The following LRRC53 variants were observed in gnomAD, a reference collection of about 807,000 sequenced individuals.
The protein encoded by LRRC53 is leucine-rich repeat-containing protein 53.
A neutral mutation model predicts 13.6 loss-of-function variants in LRRC53; 25 were observed. The observed-to-expected ratio is 1.83, with a 90% CI of 1.34 to 2.56. The LOEUF (loss-of-function observed/expected upper bound fraction) is 2.56, where lower values mean the gene tolerates loss of function less well. Among genes scored for constraint, LRRC53 ranks in the 30% most tolerant of loss-of-function variants. The pLI, the probability that LRRC53 is intolerant of heterozygous loss-of-function variation, is 0.00. For synonymous variants in LRRC53, 204 were observed against 109.8 expected, an observed-to-expected ratio of 1.86 and a Z score of -5.37; for missense variants, 527 against 275.8, an observed-to-expected ratio of 1.91 and a Z score of -6.45.
upstream of LRRC53, among the ~76,000 whole-genome samples, chr1:74,516,580 C>T (rs1249034187): frequency 6.6e-6 from 1 of 152,124 alleles, no homozygotes; most frequent in Non-Finnish European, 1.5e-5. Flanking sequence ...GAGAAATAGA[C>T]CCAGGCCTGC....
chr1:74,485,550 AT>A (rs1463257763), intron 1 of LRRC53, among the ~76,000 whole-genome samples: 3 of 152,178 alleles, frequency 2.0e-5, no homozygotes, highest in Non-Finnish European at 2.9e-5. Context: ...GCCATGTAGA[AT>A]ACCCTGTCCT....
chr1:74,531,511 A>C, the LRRC53 span, among the ~76,000 whole-genome samples: 1 of 152,222 alleles, frequency 6.6e-6, no homozygotes, highest in African/African-American at 2.4e-5. Context: ...TGCAAAGCAT[A>C]GAAAGGCATT....
At chr1:74,486,851 A>T (rs1668793593) in intron 1 of LRRC53, among the ~76,000 whole-genome samples, 1 of 152,152 alleles carries the variant, frequency 6.6e-6, no homozygotes. Context: ...ATTGAAAAAC[A>T]TGTTTCAGGG....
At chr1:74,532,884 C>A in the LRRC53 span, among the ~76,000 whole-genome samples, 276 of 152,238 alleles carry the variant, frequency 1.8e-3, no homozygotes, top group African/African-American at 6.3e-3. Context: ...GAAACTGGAT[C>A]CCTTCCTCAC....
rs1448181897 is a variant in LRRC53, at chr1:74,480,883, A to G, written c.174T>C (p.Asn58=). ...IESTNLSLLF[N]LALLSLSRNG... ...TTCTGCTTAGGGAGAGCAGGGCAAG[A>G]TTAAACAAGAGAGACAGGTTTGTGC... Residue 58 remains asparagine, a synonymous_variant, in exon 3 of 5, where the codon AAT becomes AAC. Coordinates refer to ENST00000294635, the MANE Select transcript of LRRC53 (RefSeq NM_001382280.1). 4 of 717,316 alleles carry G rather than the reference A, an allele frequency of 5.6e-6. No individual in the cohort carries two copies. Among genetic ancestry groups the G allele is most frequent in the Non-Finnish European group, 1.0e-5 (4 of 385,114 alleles). 44.4% of individuals were successfully genotyped at this position (717,316 alleles called of 1,614,324 possible).
In LRRC53 at chr1:74,471,718, G is replaced by A; in HGVS notation, c.1904C>T (p.Pro635Leu). 1 of 402,686 alleles carries A rather than the reference G, an allele frequency of 2.5e-6. No individual in the cohort carries two copies. The highest frequency in any genetic ancestry group is 1.2e-4 in the South Asian group (1 of 8,098). The allele number at this position is 402,686 out of a possible 1,614,324, so 24.9% of individuals were successfully genotyped here. A position where few individuals can be genotyped will look rare whatever the true frequency, so the allele number is the denominator to read the frequency against. The change falls in exon 5 of 5, where the codon CCA becomes CTA. Residue 635 changes from proline to leucine, a missense_variant. By Grantham distance (98) the Pro-to-Leu change is moderately conservative. Coordinates refer to ENST00000294635, the MANE Select transcript of LRRC53 (RefSeq NM_001382280.1). ...LSTKTKKAYS[P>L]KRVIFHDPDL... ...AGGATCATGGAAGATAACCCTCTTT[G>A]GGGAATATGCTTTCTTGGTTTTTGT...
At chr1:74,507,257 A>G (rs887732900) in intron 1 of LRRC53, among the ~76,000 whole-genome samples, 1 of 136,978 alleles carries the variant, frequency 7.3e-6, no homozygotes, top group African/African-American at 2.6e-5. Flanking sequence ...AAAAATACAT[A>G]AAGGATTCAA....
At chr1:74,497,185 T>C (rs1669371844) in intron 1 of LRRC53, among the ~76,000 whole-genome samples, 1 of 152,132 alleles carries the variant, frequency 6.6e-6, no homozygotes, top group Non-Finnish European at 1.5e-5. Flanking sequence ...TGTAAGATGA[T>C]AGCACCATGA....
chr1:74,493,625 G>T (rs187852053), intron 1 of LRRC53, among the ~76,000 whole-genome samples: 156 of 152,192 alleles, frequency 1.0e-3, no homozygotes, highest in African/African-American at 3.5e-3. Flanking sequence ...TTTATTTCTT[G>T]CTCACTTGTT....
upstream of LRRC53, among the ~76,000 whole-genome samples, chr1:74,515,933 G>A (rs535281902): frequency 6.6e-6 from 1 of 152,130 alleles, no homozygotes. Flanking sequence ...TGCCTTCAAG[G>A]TTCTGATGTC....
chr1:74,496,360 G>A (rs891519292), intron 1 of LRRC53, among the ~76,000 whole-genome samples: 3 of 151,960 alleles, frequency 2.0e-5, no homozygotes, highest in African/African-American at 7.3e-5. Flanking sequence ...TCTGATCTTT[G>A]GATTTCCTAA....
In LRRC53 at chr1:74,489,207, G is replaced by C. The variant is rs1253716559; in HGVS notation, c.-26-5832C>G. On this transcript the variant is annotated intron_variant, in intron 1 of 4. Transcript: ENST00000294635. ...TTTACAGGGAAGACCCGAATTTTCT[G>C]AAGTTGTCATGAAGTTAGAAGAGTG... 1 of 1,611,238 alleles carries C rather than the reference G, an allele frequency of 6.2e-7. No homozygotes were observed. The highest frequency in any genetic ancestry group is 1.3e-5 in the African/African-American group (1 of 74,748).
At chr1:74,520,358 A>T in the LRRC53 span, among the ~76,000 whole-genome samples, 1 of 152,128 alleles carries the variant, frequency 6.6e-6, no homozygotes, top group Non-Finnish European at 1.5e-5. Flanking sequence ...AGAATTTGAG[A>T]CTACTTCGCG....
At position 74,475,299 on chromosome 1, in the gene LRRC53, T is replaced by G. The variant is rs1668139211; in HGVS notation, c.1416A>C (p.Thr472=). The G allele has an allele frequency of 1.5e-6, 1 of 649,980 alleles. No individual in the cohort carries two copies. Among genetic ancestry groups the G allele is most frequent in the Non-Finnish European group, 2.8e-6 (1 of 354,706 alleles). The allele number at this position is 649,980 out of a possible 1,614,324, so 40.3% of individuals were successfully genotyped here. Residue 472 remains threonine, a synonymous_variant, in exon 4 of 5, where the codon ACA becomes ACC. Coordinates refer to ENST00000294635, the MANE Select transcript of LRRC53 (RefSeq NM_001382280.1). ...TCTAAAACAAGACAAACTCACCTTC[T>G]GTTCTTATTATATGGTGTTGCAGAG... is the stretch of plus-strand genomic sequence containing the variant. ...PQTLQHHIIR[T]EDISSDIFRR...
chr1:74,481,205 A>T (rs1375089335), intron 2 of LRRC53, among the ~76,000 whole-genome samples: 1 of 152,236 alleles, frequency 6.6e-6, no homozygotes, highest in Non-Finnish European at 1.5e-5. Context: ...TTTGAGAAAC[A>T]TAAACCCATC....
At chr1:74,475,954 T>C (rs1471575721) in intron 3 of LRRC53, 144 bp from the exon 4 acceptor site, 1 of 450,820 alleles carries the variant, frequency 2.2e-6, no homozygotes, top group Non-Finnish European at 3.9e-6. Flanking sequence ...TGGAAAAATA[T>C]CAGTCCAGAC....
the LRRC53 span, among the ~76,000 whole-genome samples, chr1:74,519,571 C>T: frequency 2.0e-5 from 3 of 151,998 alleles, no homozygotes; most frequent in Non-Finnish European, 4.4e-5. Flanking sequence ...TAATGATTGC[C>T]TTACTTTAAA....
intron 1 of LRRC53, chr1:74,492,322 A>G (rs755164823): frequency 6.2e-5 from 88 of 1,409,226 alleles, no homozygotes; most frequent in Non-Finnish European, 8.0e-5. Flanking sequence ...AATCTTATCA[A>G]GACAGTCAAC....
At chr1:74,535,445 G>A in the LRRC53 span, among the ~76,000 whole-genome samples, 1 of 152,110 alleles carries the variant, frequency 6.6e-6, no homozygotes, top group Admixed American at 6.6e-5. Context: ...AATCCAGCCT[G>A]GGTGACTGAG....
Sources: allele counts gnomAD v4.1 joint callset (sites outside exome capture counted in the v4.1 genomes callset), GRCh38; gene constraint gnomAD v4.1.1; transcripts MANE v1.5; gene names NCBI Gene and HGNC (gene_info 2026-07-23, HGNC 2026-07-21).